The following DGKD variants were observed in gnomAD, a reference collection of about 807,000 sequenced individuals.
DGKD encodes the protein diacylglycerol kinase delta.
Under a neutral mutation model 154.4 loss-of-function variants are expected in DGKD, and 68 were observed. The ratio of observed to expected loss-of-function variants is 0.44; its 90% confidence interval spans 0.36 to 0.54. DGKD has a LOEUF of 0.54. Among genes scored for constraint, DGKD ranks in the 20% least tolerant of loss-of-function variants. The pLI is 0.00. For synonymous variants in DGKD, 693 were observed against 638.0 expected (o/e 1.09, Z -1.30); for missense variants, 1,343 against 1,593.6 (o/e 0.84, Z 2.68).
At chr2:233,451,682 T>C (rs2063300371) in intron 17 of DGKD, among the ~76,000 whole-genome samples, 1 of 151,652 alleles carries the variant, frequency 6.6e-6, no homozygotes, top group East Asian at 1.9e-4. Flanking sequence ...TCCTCCCCAC[T>C]CAGCCTCCCA....
rs774984367 is a variant in DGKD at position 233,441,465 on chromosome 2, G to A, written c.1086-422G>A. Among the ~76,000 whole-genome samples, 25 of 152,174 alleles carry A rather than the reference G, an allele frequency of 1.6e-4. No homozygotes were observed. The highest frequency in any genetic ancestry group is 3.5e-4 in the Non-Finnish European group (24 of 68,010). Reference sequence around the variant, plus strand: ...ATGCAGGCAGCCCAGAGGGCATGCTGGGAAGGCTGGCAGGGGCCACATGTG... The same window carrying A: ...ATGCAGGCAGCCCAGAGGGCATGCTAGGAAGGCTGGCAGGGGCCACATGTG... On this transcript the variant is annotated intron_variant, in intron 9 of 29. Transcript: ENST00000264057. This position sits in a 1 kb window ranked among gnomAD's most constrained non-coding sequence, Gnocchi z 5.6.
At chr2:233,413,796 A>G (rs946780696) in intron 3 of DGKD, among the ~76,000 whole-genome samples, 1 of 152,182 alleles carries the variant, frequency 6.6e-6, no homozygotes, top group Non-Finnish European at 1.5e-5. Flanking sequence ...ATTCTTGGCT[A>G]TGTGCCCAGC....
Position 233,438,018 on chromosome 2 carries a change from A to AGG in DGKD, c.923-198_923-197dup, listed in dbSNP as rs2062755249. 6.6e-6 allele frequency among the ~76,000 whole-genome samples: 1 copy of AGG among 152,108 alleles called. No individual in the cohort carries two copies. Among genetic ancestry groups the AGG allele is most frequent in the Non-Finnish European group, 1.5e-5 (1 of 68,016 alleles). On this transcript the variant is annotated intron_variant, in intron 8 of 29. Coordinates refer to ENST00000264057, the MANE Select transcript of DGKD (RefSeq NM_152879.3). The surrounding 1 kb of genome is among the most constrained non-coding windows in gnomAD (Gnocchi z 4.1). ...GCATTTGGACAGCTTGTGAATGTGG[A>AGG]GGTCAGATGGATGGGGCTCCCGGCC...
At chr2:233,460,436 G>A (rs1443539103) in intron 24 of DGKD, 91 bp downstream of exon 24, 1 of 1,500,964 alleles carries the variant, frequency 6.7e-7, no homozygotes. Context: ...TGGAGCTGCT[G>A]CTCCTGACTT....
In DGKD at chr2:233,459,596, A is replaced by G. The variant is rs576686548; in HGVS notation, c.2695-161A>G. 9.2e-5 allele frequency among the ~76,000 whole-genome samples: 14 copies of G among 152,288 alleles called. No individual in the cohort carries two copies. The South Asian group carries it at 1.2e-3, about 14-fold the overall frequency. Reference sequence around the variant, plus strand: ...CTCGGTTGAGTGACACAACAGCAGAAGGCTAGCTGCAGGCGGAGCGCCATC... The same window carrying G: ...CTCGGTTGAGTGACACAACAGCAGAGGGCTAGCTGCAGGCGGAGCGCCATC... On this transcript the variant is annotated intron_variant, in intron 22 of 29. Coordinates refer to ENST00000264057, the MANE Select transcript of DGKD (RefSeq NM_152879.3). This position sits in a 1 kb window ranked among gnomAD's most constrained non-coding sequence, Gnocchi z 5.7.
At chr2:233,464,432 A>T in intron 27 of DGKD, 149 bp downstream of exon 27, 1 of 995,018 alleles carries the variant, frequency 1.0e-6, no homozygotes, top group South Asian at 1.6e-5. Flanking sequence ...CTTCGCTATT[A>T]AAATGCTCTT....
chr2:233,453,417 A>G (rs917060112), intron 18 of DGKD, among the ~76,000 whole-genome samples: 1 of 152,052 alleles, frequency 6.6e-6, no homozygotes, highest in African/African-American at 2.4e-5. Context: ...GGACCTATAC[A>G]TGCTGGCCAG....
intron 3 of DGKD, among the ~76,000 whole-genome samples, chr2:233,393,878 C>T (rs947721454): frequency 6.6e-6 from 1 of 151,714 alleles, no homozygotes; most frequent in African/African-American, 2.4e-5. Flanking sequence ...GACAGGGTTT[C>T]ACCGTGTTGG....
At chr2:233,468,626 C>CG in intron 29 of DGKD, 73 bp downstream of exon 29, 1 of 1,590,718 alleles carries the variant, frequency 6.3e-7, no homozygotes, top group Non-Finnish European at 8.5e-7. Flanking sequence ...CATCCTCTCC[C>CG]CCGACCTGGC....
At chr2:233,422,038 G>A (rs1298854850) in intron 3 of DGKD, among the ~76,000 whole-genome samples, 6 of 152,220 alleles carry the variant, frequency 3.9e-5, no homozygotes, top group Non-Finnish European at 4.4e-5. Context: ...AGGACCTTGA[G>A]GCCCCCTAAG....
At chr2:233,388,538 T>C in intron 2 of DGKD, 171 bp downstream of exon 2, 1 of 533,764 alleles carries the variant, frequency 1.9e-6, no homozygotes, top group Non-Finnish European at 3.2e-6. Context: ...TCAAGGCATG[T>C]TTTATTTCTT....
At chr2:233,420,906 G>A (rs1043924666) in intron 3 of DGKD, among the ~76,000 whole-genome samples, 3 of 152,030 alleles carry the variant, frequency 2.0e-5, no homozygotes, top group African/African-American at 7.2e-5. Flanking sequence ...GCTTATCTTC[G>A]TCTTCTTGGC....
At chr2:233,399,129 G>T (rs10181039) in intron 3 of DGKD, among the ~76,000 whole-genome samples, 1 of 152,186 alleles carries the variant, frequency 6.6e-6, no homozygotes, top group African/African-American at 2.4e-5. Context: ...AATGAAAGCA[G>T]TGGGCTTTAT....
At chr2:233,436,268 C>A (rs759224250) in intron 6 of DGKD, 48 bp from the exon 7 acceptor site, 1 of 1,610,604 alleles carries the variant, frequency 6.2e-7, no homozygotes, top group Non-Finnish European at 8.5e-7. Context: ...CTGCCCTGGA[C>A]GTGGAACCTT....
intron 3 of DGKD, among the ~76,000 whole-genome samples, chr2:233,410,023 T>G (rs1013062187): frequency 1.3e-5 from 2 of 152,002 alleles, no homozygotes; most frequent in Admixed American, 1.3e-4. Flanking sequence ...AGAGATATGA[T>G]CTCACCATGT....
Position 233,460,332 on chromosome 2 carries a change from G to T in DGKD, c.2968G>T (p.Val990Phe), listed in dbSNP as rs373905915. 2.8e-5 allele frequency: 45 copies of T among 1,613,984 alleles called. No individual in the cohort carries two copies. Among genetic ancestry groups the T allele is most frequent in the Non-Finnish European group, 3.6e-5 (43 of 1,179,972 alleles). The change falls in exon 24 of 30, where the codon GTC becomes TTC. Residue 990 changes from valine (V) to phenylalanine (F), a missense_variant. By Grantham distance (50) the Val-to-Phe change is conservative (BLOSUM62 -1). Coordinates refer to ENST00000264057, the MANE Select transcript of DGKD (RefSeq NM_152879.3). ...GGACCAGTTTGGGCAGGCAGCAGGG[G>T]TCCTCATTCACAGGTGGGCTCCTAC... The part of the protein sequence containing the change: ...QMDQFGQAAG[V>F]LIHSIREIAQ...
Position 233,409,787 on chromosome 2 carries a change from G to GTT in DGKD, c.348+19332_348+19333dup, listed in dbSNP as rs3075533. On this transcript the variant is annotated intron_variant, in intron 3 of 29. Transcript: ENST00000264057. ...AAAAAACATGTGATCCCCCCATACC[G>GTT]TTTTTTTTTTTTTTTTTTTTTTTTT... is the stretch of plus-strand genomic sequence containing the variant. 4.3e-3 allele frequency among the ~76,000 whole-genome samples: 264 copies of GTT among 60,886 alleles called. 6 individuals carry two copies. Among genetic ancestry groups the GTT allele is most frequent in the East Asian group, 0.01 (16 of 1,572 alleles). 39.9% of individuals were successfully genotyped at this position (60,886 alleles called of 152,430 possible).
At chr2:233,429,302 G>A in intron 3 of DGKD, 2 of 985,214 alleles carry the variant, frequency 2.0e-6, no homozygotes, top group East Asian at 1.1e-4. Context: ...TGCACAGTAA[G>A]GTATATTATC....
chr2:233,466,653 G>T (rs925171282), intron 27 of DGKD, among the ~76,000 whole-genome samples: 2 of 152,238 alleles, frequency 1.3e-5, no homozygotes, highest in South Asian at 4.2e-4. Flanking sequence ...GGAGTGGATC[G>T]CAAGGAAAGA....
Sources: allele counts gnomAD v4.1 joint callset (sites outside exome capture counted in the v4.1 genomes callset), GRCh38; gene constraint gnomAD v4.1.1; non-coding constraint Gnocchi (gnomAD v3.1); transcripts MANE v1.5; gene names NCBI Gene and HGNC (gene_info 2026-07-23, HGNC 2026-07-21).